STRN: variants seen among roughly 807,000 people sequenced by gnomAD.
STRN encodes striatin, also known as protein phosphatase 2 regulatory subunit B'''alpha.
Under a neutral mutation model 96.3 loss-of-function variants are expected in STRN, and 53 were observed. The observed-to-expected ratio is 0.55, with a 90% CI of 0.44 to 0.69. The LOEUF (loss-of-function observed/expected upper bound fraction) is 0.69, where lower values mean the gene tolerates loss of function less well. Among genes scored for constraint, STRN ranks in the 30% least tolerant of loss-of-function variants. The probability of loss-of-function intolerance (pLI) is 0.00; values close to 1 mark genes in which losing one functional copy is unlikely to be tolerated. For missense variants in STRN, 987 were observed against 963.9 expected (o/e 1.02, Z -0.32); for synonymous variants, 428 against 355.9 (o/e 1.20, Z -2.28).
At position 36,914,034 on chromosome 2, in the gene STRN, G is replaced by C. The variant is rs561346978; in HGVS notation, c.412+2044C>G. 9.4e-4 allele frequency among the ~76,000 whole-genome samples: 143 copies of C among 152,178 alleles called. 1 individual carries two copies. Among genetic ancestry groups the C allele is most frequent in the Non-Finnish European group, 1.7e-3 (116 of 68,006 alleles). ...GGATCTCACTCTGTCACTCAGGCTA[G>C]AGTGCAGTGGCACTATCTTAGCACA... On this transcript the variant is annotated intron_variant, in intron 3 of 17. Transcript: ENST00000263918.
chr2:36,905,452 A>T, intron 4 of STRN, 88 bp downstream of exon 4: 6 of 1,179,252 alleles, frequency 5.1e-6, no homozygotes, highest in Non-Finnish European at 6.3e-6. Context: ...TAAAATATTC[A>T]TCTGACTTGA....
intron 10 of STRN, among the ~76,000 whole-genome samples, chr2:36,874,787 C>T (rs1668859455): frequency 6.7e-6 from 1 of 148,412 alleles, no homozygotes. Context: ...TTGACCCACT[C>T]AGGCTAAACA....
chr2:36,890,112 G>C (rs1405253087), intron 7 of STRN, among the ~76,000 whole-genome samples: 1 of 152,202 alleles, frequency 6.6e-6, no homozygotes, highest in Non-Finnish European at 1.5e-5. Flanking sequence ...AAAGACCTCA[G>C]TGTGGCACAG....
rs1485909829 is a variant in STRN at position 36,841,979 on chromosome 2, C to T, written c.*7477G>A. The T allele has an allele frequency of 6.6e-6, 1 of 152,200 alleles. No individual in the cohort carries two copies. The highest frequency in any genetic ancestry group is 1.5e-5 in the Non-Finnish European group (1 of 68,038). 9.4% of individuals were successfully genotyped at this position (152,200 alleles called of 1,614,324 possible). ...AGGTACTTCTTTCCCCACACTCTCACCCAAGTTATCCAGCCCCCAAAATAA... is the reference window on the plus strand; with the variant it reads ...AGGTACTTCTTTCCCCACACTCTCATCCAAGTTATCCAGCCCCCAAAATAA... On this transcript the variant is annotated 3_prime_UTR_variant, in exon 18 of 18. Coordinates refer to ENST00000263918, the MANE Select transcript of STRN (RefSeq NM_003162.4).
At chr2:36,904,654 C>T (rs1021002521) in intron 4 of STRN, among the ~76,000 whole-genome samples, 2 of 152,054 alleles carry the variant, frequency 1.3e-5, no homozygotes, top group Non-Finnish European at 2.9e-5. Context: ...TGGCAAAAAC[C>T]CATCTCTACA....
At chr2:36,856,811 T>C (rs1046456339) in intron 14 of STRN, among the ~76,000 whole-genome samples, 1 of 152,260 alleles carries the variant, frequency 6.6e-6, no homozygotes, top group Admixed American at 6.5e-5. Context: ...ATTTTCCCCT[T>C]TGGTGCTATT....
chr2:36,865,819 C>CA (rs1354218731), intron 12 of STRN, among the ~76,000 whole-genome samples: 1 of 152,032 alleles, frequency 6.6e-6, no homozygotes, highest in Non-Finnish European at 1.5e-5. Flanking sequence ...CTCAACCTCC[C>CA]AAAGTGCTGG....
chr2:36,917,389 G>A (rs750357492), intron 2 of STRN, among the ~76,000 whole-genome samples: 25 of 151,532 alleles, frequency 1.6e-4, no homozygotes, highest in Non-Finnish European at 3.1e-4. Context: ...TAGGCATGGT[G>A]GTGTACCTGT....
rs558323394 is a variant in STRN at position 36,908,651 on chromosome 2, T to A, written c.413-3033A>T. On this transcript the variant is annotated intron_variant, in intron 3 of 17. Coordinates refer to ENST00000263918, the MANE Select transcript of STRN (RefSeq NM_003162.4). The stretch of plus-strand genomic sequence containing the variant: ...CTTAAAAAAAAGTGTATTCTTACAC[T>A]GAGATAAAATCTGACCCTCTAAGTA... Among the ~76,000 whole-genome samples the A allele has an allele frequency of 3.8e-3, 579 of 152,290 alleles. 3 individuals are homozygous for A. Among genetic ancestry groups the A allele is most frequent in the African/African-American group, 0.014 (562 of 41,556 alleles).
intron 2 of STRN, among the ~76,000 whole-genome samples, chr2:36,916,679 T>C (rs1322494607): frequency 6.6e-6 from 1 of 152,184 alleles, no homozygotes; most frequent in Non-Finnish European, 1.5e-5. Flanking sequence ...AAATCATCAA[T>C]GTTGAATAAG....
At chr2:36,909,414 G>C (rs1271069778) in intron 3 of STRN, among the ~76,000 whole-genome samples, 1 of 152,012 alleles carries the variant, frequency 6.6e-6, no homozygotes, top group Non-Finnish European at 1.5e-5. Flanking sequence ...TAGGGTAACA[G>C]ACACTAGATT....
At chr2:36,943,416 A>C (rs1446675586) in intron 1 of STRN, among the ~76,000 whole-genome samples, 1 of 151,650 alleles carries the variant, frequency 6.6e-6, no homozygotes, top group Non-Finnish European at 1.5e-5. Context: ...ATATAAGATT[A>C]ATAAAACTTT....
rs200746560 is a variant in STRN at position 36,849,447 on chromosome 2, T to C, written c.*9A>G. 3.1e-4 allele frequency: 504 copies of C among 1,613,344 alleles called. No individual in the cohort carries two copies. The highest frequency in any genetic ancestry group is 3.9e-4 in the Non-Finnish European group (461 of 1,179,634). Reference sequence around the variant, plus strand: ...ATAAACAGCTAGAAGGTGAAGATGATGCATTGCGTCATACAAAGACTTTAG... The same window carrying C: ...ATAAACAGCTAGAAGGTGAAGATGACGCATTGCGTCATACAAAGACTTTAG... On this transcript the variant is annotated 3_prime_UTR_variant, in exon 18 of 18. Coordinates refer to ENST00000263918, the MANE Select transcript of STRN (RefSeq NM_003162.4).
chr2:36,890,477 C>CTTT (rs1163881782), intron 7 of STRN, among the ~76,000 whole-genome samples: 245 of 104,602 alleles, frequency 2.3e-3, no homozygotes, highest in African/African-American at 3.6e-3. Context: ...CACCAGAAAA[C>CTTT]TTTTTTTTTT....
In STRN at chr2:36,869,835, T is replaced by A. The variant is rs979185079; in HGVS notation, c.1324-106A>T. 99 of 884,544 alleles carry A rather than the reference T, an allele frequency of 1.1e-4. 2 individuals carry two copies. Among genetic ancestry groups the A allele is most frequent in the Non-Finnish European group, 1.5e-4 (96 of 648,892 alleles). The allele number at this position is 884,544 out of a possible 1,614,324, so 54.8% of individuals were successfully genotyped here. ...GCTGATGTGTCAATAAACGATCACT[T>A]TGCAATTTTTAAAACAATATAATTT... is the stretch of plus-strand genomic sequence containing the variant. On this transcript the variant is annotated intron_variant, in intron 10 of 17. Coordinates refer to ENST00000263918, the MANE Select transcript of STRN (RefSeq NM_003162.4).
At chr2:36,951,373 G>T (rs775650018) in intron 1 of STRN, among the ~76,000 whole-genome samples, 8 of 152,190 alleles carry the variant, frequency 5.3e-5, no homozygotes, top group Non-Finnish European at 8.8e-5. Flanking sequence ...CCCAGGCAAT[G>T]CTTTATACAA....
intron 1 of STRN, among the ~76,000 whole-genome samples, chr2:36,935,998 T>C (rs1326350137): frequency 1.3e-5 from 2 of 151,976 alleles, no homozygotes; most frequent in African/African-American, 4.8e-5. Context: ...ATGTAAATAA[T>C]AAATTTATAA....
At chr2:36,906,899 G>A (rs1669835586) in intron 3 of STRN, among the ~76,000 whole-genome samples, 1 of 151,576 alleles carries the variant, frequency 6.6e-6, no homozygotes, top group African/African-American at 2.4e-5. Flanking sequence ...ACTCCAGCGT[G>A]GGCGACAGAG....
intron 10 of STRN, among the ~76,000 whole-genome samples, chr2:36,872,032 G>A (rs1668774495): frequency 6.6e-6 from 1 of 152,208 alleles, no homozygotes; most frequent in South Asian, 2.1e-4. Context: ...CACCTGAAAG[G>A]CTTTCATGTG....
Sources: gnomAD v4.1 joint callset for allele counts (sites outside exome capture counted in the v4.1 genomes callset) on GRCh38, gnomAD v4.1.1 for gene constraint, MANE v1.5 for transcripts, NCBI Gene and HGNC (gene_info 2026-07-23, HGNC 2026-07-21) for gene names.